The following CKAP5 variants were observed in gnomAD, a reference collection of about 807,000 sequenced individuals.
CKAP5 encodes the protein cytoskeleton associated protein 5.
Under a neutral mutation model 232.8 loss-of-function variants are expected in CKAP5, and 27 were observed. That is an observed-to-expected ratio of 0.12 (90% CI 0.09 to 0.16). The LOEUF is 0.16. Among genes scored for constraint, CKAP5 ranks in the 10% least tolerant of loss-of-function variants. The pLI, the probability that CKAP5 is intolerant of heterozygous loss-of-function variation, is 1.00. For missense variants in CKAP5, 1,838 were observed against 2,424.7 expected, an observed-to-expected ratio of 0.76 and a Z score of 5.08; for synonymous variants, 785 against 841.1, an observed-to-expected ratio of 0.93 and a Z score of 1.16.
At chr11:46,766,466 C>T (rs1156242087) in intron 27 of CKAP5, among the ~76,000 whole-genome samples, 2 of 152,046 alleles carry the variant, frequency 1.3e-5, no homozygotes, top group African/African-American at 4.8e-5. Context: ...AGGGCCTGAG[C>T]ATAGGGAAGA....
chr11:46,828,622 C>G (rs527681604), intron 1 of CKAP5, among the ~76,000 whole-genome samples: 1 of 152,074 alleles, frequency 6.6e-6, no homozygotes, highest in Non-Finnish European at 1.5e-5. Flanking sequence ...CATAGGACTT[C>G]AGTTAACTGC....
intron 37 of CKAP5, 100 bp from the exon 38 acceptor site, chr11:46,752,810 T>C: frequency 1.2e-6 from 1 of 824,098 alleles, no homozygotes; most frequent in Non-Finnish European, 2.0e-6. Context: ...ATTCATCTAA[T>C]AAACTGAGAG....
chr11:46,768,030 A>C (rs1329653414), intron 26 of CKAP5, among the ~76,000 whole-genome samples: 1 of 151,608 alleles, frequency 6.6e-6, no homozygotes, highest in Admixed American at 6.6e-5. Context: ...TCCTGGGCTC[A>C]AGCAATCCAC....
chr11:46,770,128 G>T, intron 25 of CKAP5, 30 bp from the exon 26 acceptor site: 1 of 1,607,776 alleles, frequency 6.2e-7, no homozygotes, highest in Non-Finnish European at 8.5e-7. Flanking sequence ...TAAAAAGTGA[G>T]AGGTCACATA....
chr11:46,809,310 G>A (rs1939224616), intron 7 of CKAP5, 90 bp downstream of exon 7: 1 of 786,176 alleles, frequency 1.3e-6, no homozygotes, highest in Admixed American at 2.5e-5. Flanking sequence ...GGAAGGGGGT[G>A]CATCAGGCAA....
intron 36 of CKAP5, 98 bp from the exon 37 acceptor site, chr11:46,753,595 T>A: frequency 1.4e-6 from 1 of 725,610 alleles, no homozygotes. Context: ...TTATGTTGTA[T>A]TTTTTTTTTG....
rs137876009 is a variant in CKAP5, at chr11:46,771,185, A to G, written c.2992-203T>C. 7.5e-3 allele frequency among the ~76,000 whole-genome samples: 1,146 copies of G among 152,352 alleles called. 14 individuals are homozygous for G. Among genetic ancestry groups the G allele is most frequent in the Middle Eastern group, 0.014 (4 of 294 alleles). ...TGCAATGATGACAATCATCTTTAAG[A>G]TAAGGACACATTTCTTTGGACTATA... On this transcript the variant is annotated intron_variant, in intron 24 of 43. Transcript: ENST00000529230.
chr11:46,780,044 T>C (rs2065326168), intron 20 of CKAP5, 150 bp downstream of exon 20: 4 of 799,096 alleles, frequency 5.0e-6, no homozygotes, highest in African/African-American at 3.4e-5. Flanking sequence ...CATAGCACAC[T>C]ACAGCCCAAA....
intron 26 of CKAP5, among the ~76,000 whole-genome samples, chr11:46,768,373 T>A (rs1392828754): frequency 6.6e-6 from 1 of 151,524 alleles, no homozygotes; most frequent in African/African-American, 2.4e-5. Flanking sequence ...ACAACTTTTT[T>A]TTTTTTTTTA....
intron 1 of CKAP5, among the ~76,000 whole-genome samples, chr11:46,842,223 A>G (rs530637233): frequency 6.6e-6 from 1 of 152,298 alleles, no homozygotes; most frequent in Admixed American, 6.5e-5. Flanking sequence ...GGTAACAAAG[A>G]AGGTGGTCTG....
chr11:46,841,924 G>C (rs1002299702), intron 1 of CKAP5, among the ~76,000 whole-genome samples: 1 of 151,280 alleles, frequency 6.6e-6, no homozygotes, highest in Non-Finnish European at 1.5e-5. Context: ...CTTGAGCCTG[G>C]GAGGCAGAGG....
intron 1 of CKAP5, among the ~76,000 whole-genome samples, chr11:46,830,835 G>A (rs1175717346): frequency 6.6e-6 from 1 of 152,096 alleles, no homozygotes; most frequent in African/African-American, 2.4e-5. Flanking sequence ...GGCCAAGGTG[G>A]GGGCGGATCA....
intron 4 of CKAP5, 81 bp from the exon 5 acceptor site, chr11:46,811,259 G>T: frequency 8.9e-7 from 1 of 1,122,574 alleles, no homozygotes; most frequent in Admixed American, 2.5e-5. Context: ...TTCAAACATA[G>T]TTCCATATCT....
chr11:46,752,647 C>T lies in CKAP5; in HGVS notation c.5121G>A (p.Glu1707=). 1 of 1,612,360 alleles carries T rather than the reference C, an allele frequency of 6.2e-7. No homozygotes were observed. Among genetic ancestry groups the T allele is most frequent in the Non-Finnish European group, 8.5e-7 (1 of 1,178,838 alleles). The change falls in exon 38 of 44, where the codon GAG becomes GAA. Residue 1707 remains glutamate (E), a synonymous_variant. Transcript: ENST00000529230. ...LATASSPKFS[E]LVMKCLWRMV... The stretch of plus-strand genomic sequence containing the variant: ...ATTTCAACTTCACCTTCATAACAAG[C>T]TCTGAGAATTTGGGAGAACTGGCTG...
chr11:46,770,866 C>T lies in CKAP5; in HGVS notation c.3108G>A (p.Lys1036=). The T allele has an allele frequency of 6.2e-7, 1 of 1,614,174 alleles. No homozygotes were observed. The highest frequency in any genetic ancestry group is 8.5e-7 in the Non-Finnish European group (1 of 1,180,024). ...CLEDRNGDVR[K]KAQDALPFFM... ...AGAATGGCAAGGCATCTTGGGCCTT[C>T]TTTCGCACATCTCCATTTCGATCTT... is the stretch of plus-strand genomic sequence containing the variant. The change falls in exon 25 of 44, where the codon AAG becomes AAA. Residue 1036 remains lysine (K), a synonymous_variant. Coordinates refer to ENST00000529230, the MANE Select transcript of CKAP5 (RefSeq NM_001008938.4).
intron 1 of CKAP5, among the ~76,000 whole-genome samples, chr11:46,821,540 T>C (rs1939526920): frequency 6.8e-6 from 1 of 147,174 alleles, no homozygotes; most frequent in African/African-American, 2.5e-5. Flanking sequence ...TTCTCCTGCC[T>C]CAGCCTCCCG....
chr11:46,819,502 G>A (rs1470704337), intron 2 of CKAP5, among the ~76,000 whole-genome samples: 2 of 152,106 alleles, frequency 1.3e-5, no homozygotes, highest in Non-Finnish European at 2.9e-5. Context: ...TTTGTGGGAT[G>A]ATCGAATTTG....
At chr11:46,796,098 G>C (rs1042783695) in intron 12 of CKAP5, among the ~76,000 whole-genome samples, 7 of 146,062 alleles carry the variant, frequency 4.8e-5, no homozygotes, top group African/African-American at 1.8e-4. Flanking sequence ...TCAGAAGGCA[G>C]AGGTTGCAGT....
At chr11:46,771,051 T>TA in intron 24 of CKAP5, 69 bp from the exon 25 acceptor site, 1 of 1,365,784 alleles carries the variant, frequency 7.3e-7, no homozygotes, top group Non-Finnish European at 1.0e-6. Flanking sequence ...ATCTCAGGCT[T>TA]ACTGATTTCA....
Sources: allele counts gnomAD v4.1 joint callset (sites outside exome capture counted in the v4.1 genomes callset), GRCh38; gene constraint gnomAD v4.1.1; transcripts MANE v1.5; gene names NCBI Gene and HGNC (gene_info 2026-07-23, HGNC 2026-07-21).